Variants in SENP5 observed in about 807,000 individuals in gnomAD.
SENP5 encodes the protein sentrin-specific protease 5.
SENP5 carries 21 observed loss-of-function variants against 74.2 expected under a neutral mutation model. The observed-to-expected ratio is 0.28, with a 90% CI of 0.20 to 0.41. The LOEUF is 0.41. Ranked by LOEUF, SENP5 falls within the 10% of genes least tolerant of loss-of-function variation. The probability of loss-of-function intolerance (pLI) is 1.00; values close to 1 mark genes in which losing one functional copy is unlikely to be tolerated. For missense variants in SENP5, 717 were observed against 889.1 expected (o/e 0.81, Z 2.46); for synonymous variants, 311 against 312.7 (o/e 0.99, Z 0.06).
Position 196,931,267 on chromosome 3 carries a change from A to G in SENP5, c.*344A>G, listed in dbSNP as rs1716029170. On this transcript the variant is annotated 3_prime_UTR_variant, in exon 10 of 10. Coordinates refer to ENST00000323460, the MANE Select transcript of SENP5 (RefSeq NM_152699.5). ...GCTTTTGAAACTTAGTTAGACGTGAACTGAATACAGGTTTCAAATTTACTC... is the reference window on the plus strand; with the variant it reads ...GCTTTTGAAACTTAGTTAGACGTGAGCTGAATACAGGTTTCAAATTTACTC... 5.2e-6 allele frequency: 1 copy of G among 192,746 alleles called. No individual in the cohort carries two copies. The highest frequency in any genetic ancestry group is 1.1e-5 in the Non-Finnish European group (1 of 93,400). The allele number at this position is 192,746 out of a possible 1,614,324, so 11.9% of individuals were successfully genotyped here.
At chr3:196,900,983 C>A (rs1398255703) in intron 5 of SENP5, among the ~76,000 whole-genome samples, 1 of 149,942 alleles carries the variant, frequency 6.7e-6, no homozygotes, top group South Asian at 2.1e-4. Context: ...TGGAGAGGGC[C>A]TTTTTTTGGT....
At chr3:196,904,511 G>A (rs977218714) in intron 6 of SENP5, among the ~76,000 whole-genome samples, 1 of 152,242 alleles carries the variant, frequency 6.6e-6, no homozygotes, top group African/African-American at 2.4e-5. Context: ...GTTTAGGCCA[G>A]GTGCGGTGGC....
intron 6 of SENP5, among the ~76,000 whole-genome samples, chr3:196,916,005 G>A (rs1202172250): frequency 3.3e-5 from 5 of 152,122 alleles, no homozygotes; most frequent in African/African-American, 9.7e-5. Flanking sequence ...TTGCCCAGAC[G>A]TCGATGAACA....
intron 6 of SENP5, among the ~76,000 whole-genome samples, chr3:196,918,136 C>A (rs1715459511): frequency 6.7e-6 from 1 of 149,598 alleles, no homozygotes; most frequent in Non-Finnish European, 1.5e-5. Context: ...GAAACTCTGT[C>A]TCTACTAAAA....
chr3:196,908,123 A>G (rs1306187614), intron 6 of SENP5, among the ~76,000 whole-genome samples: 1 of 152,054 alleles, frequency 6.6e-6, no homozygotes, highest in Non-Finnish European at 1.5e-5. Flanking sequence ...TCTATAAAAA[A>G]TTTAAAAAAC....
Position 196,930,830 on chromosome 3 carries a change from C to T in SENP5, c.2175C>T (p.Ala725=). 6.2e-7 allele frequency: 1 copy of T among 1,613,642 alleles called. No homozygotes were observed. Among genetic ancestry groups the T allele is most frequent in the Non-Finnish European group, 8.5e-7 (1 of 1,179,654 alleles). The part of the protein sequence containing the change: ...VFVLQYCKCL[A]LEQPFQFSQE... ...TTTTGCAGTACTGCAAGTGCCTCGC[C>T]TTAGAGCAGCCTTTCCAGTTTTCAC... The change falls in exon 10 of 10, where the codon GCC becomes GCT. Residue 725 remains alanine (A), a synonymous_variant. Transcript: ENST00000323460.
intron 1 of SENP5, among the ~76,000 whole-genome samples, chr3:196,878,346 T>C (rs1386456722): frequency 1.3e-5 from 2 of 152,148 alleles, no homozygotes; most frequent in African/African-American, 4.8e-5. Context: ...ATAGGGTAAC[T>C]AGAGACTTAC....
rs546464732 is a variant in SENP5 at position 196,871,280 on chromosome 3, T to TTTA, written c.-32+3209_-32+3210insATT. Among the ~76,000 whole-genome samples, 48 of 152,298 alleles carry TTTA rather than the reference T, an allele frequency of 3.2e-4. 2 individuals carry two copies. The South Asian group carries it at 9.7e-3, about 31-fold the overall frequency. On this transcript the variant is annotated intron_variant, in intron 1 of 9. Coordinates refer to ENST00000323460, the MANE Select transcript of SENP5 (RefSeq NM_152699.5). The stretch of plus-strand genomic sequence containing the variant: ...AAACCAAATAGCTGAATCTCTAAAA[T>TTTA]TTTATTTTTGTGTCTGGAATACCTT...
At chr3:196,884,451 TAGTCTAGAA>T (rs1713860430) in intron 1 of SENP5, among the ~76,000 whole-genome samples, 1 of 152,212 alleles carries the variant, frequency 6.6e-6, no homozygotes, top group African/African-American at 2.4e-5. Flanking sequence ...GAAGGCTCTT[TAGTCTAGAA>T]AGAAAGGCAC....
chr3:196,872,432 G>T (rs1212898911), intron 1 of SENP5, among the ~76,000 whole-genome samples: 3 of 152,170 alleles, frequency 2.0e-5, no homozygotes, highest in Non-Finnish European at 4.4e-5. Flanking sequence ...GTACAAATTG[G>T]GCTTCCAGCA....
intron 1 of SENP5, among the ~76,000 whole-genome samples, chr3:196,882,993 G>A (rs1713795312): frequency 1.3e-5 from 2 of 151,644 alleles, no homozygotes; most frequent in South Asian, 4.2e-4. Context: ...CTGCTTGTAT[G>A]GGTGAGACAG....
At chr3:196,914,586 A>AAAAAATATAT in intron 6 of SENP5, 1 of 33,496 alleles carries the variant, frequency 3.0e-5, no homozygotes, top group African/African-American at 1.8e-4. Context: ...AAAAAAAAAA[A>AAAAAATATAT]ATATATATAT....
chr3:196,903,296 C>T (rs552155511), intron 5 of SENP5, among the ~76,000 whole-genome samples: 4 of 152,232 alleles, frequency 2.6e-5, no homozygotes, highest in African/African-American at 7.2e-5. Flanking sequence ...GGTGCCACCA[C>T]GCCCGGCTAA....
intron 6 of SENP5, among the ~76,000 whole-genome samples, chr3:196,906,631 CAT>C (rs2108843458): frequency 6.6e-6 from 1 of 152,224 alleles, no homozygotes; most frequent in African/African-American, 2.4e-5. Flanking sequence ...GTATGTGAAA[CAT>C]AGGCAGAAGG....
chr3:196,869,459 C>T (rs1430410253), intron 1 of SENP5, among the ~76,000 whole-genome samples: 1 of 151,742 alleles, frequency 6.6e-6, no homozygotes, highest in African/African-American at 2.4e-5. Context: ...CTGCTTCCGC[C>T]TCTCAAAAGT....
chr3:196,930,617 G>C (rs1293950398), intron 9 of SENP5, among the ~76,000 whole-genome samples, 196 bp from the exon 10 acceptor site: 2 of 152,110 alleles, frequency 1.3e-5, no homozygotes, highest in Non-Finnish European at 2.9e-5. Context: ...ACTAATGCCT[G>C]ATAATTCATC....
intron 1 of SENP5, among the ~76,000 whole-genome samples, chr3:196,869,257 G>A (rs1012650006): frequency 3.3e-5 from 5 of 151,946 alleles, no homozygotes; most frequent in Admixed American, 6.6e-5. Context: ...CTGGAGTGCA[G>A]TGGCGCGATC....
At chr3:196,893,127 A>G (rs1714282884) in intron 2 of SENP5, among the ~76,000 whole-genome samples, 1 of 152,212 alleles carries the variant, frequency 6.6e-6, no homozygotes, top group African/African-American at 2.4e-5. Flanking sequence ...GTTTTCCTTC[A>G]TGGCTGTGCT....
At chr3:196,926,998 A>G (rs1205241419) in intron 7 of SENP5, among the ~76,000 whole-genome samples, 1 of 151,516 alleles carries the variant, frequency 6.6e-6, no homozygotes, top group African/African-American at 2.4e-5. Flanking sequence ...CTCTGACTTC[A>G]CTCTTGATGT....
Sources: gnomAD v4.1 joint callset for allele counts (sites outside exome capture counted in the v4.1 genomes callset) on GRCh38, gnomAD v4.1.1 for gene constraint, MANE v1.5 for transcripts, NCBI Gene and HGNC (gene_info 2026-07-23, HGNC 2026-07-21) for gene names.